The following SORBS2 variants were observed in gnomAD, a reference collection of about 807,000 sequenced individuals.
The protein encoded by SORBS2 is sorbin and SH3 domain-containing protein 2.
SORBS2 carries 46 observed loss-of-function variants against 97.7 expected under a neutral mutation model. The ratio of observed to expected loss-of-function variants is 0.47; its 90% confidence interval spans 0.37 to 0.60. The LOEUF is 0.60. Ranked by LOEUF, SORBS2 falls within the 20% of genes least tolerant of loss-of-function variation. SORBS2 has a pLI of 0.00. For missense variants in SORBS2, 1,316 were observed against 1,282.3 expected (o/e 1.03, Z -0.40); for synonymous variants, 476 against 473.4 (o/e 1.01, Z -0.07).
chr4:185,691,165 G>T (rs2098086199), intron 2 of SORBS2, among the ~76,000 whole-genome samples: 1 of 152,128 alleles, frequency 6.6e-6, no homozygotes, highest in East Asian at 1.9e-4. Context: ...CTCCCAGAGT[G>T]CTGGGATTAC....
chr4:185,725,231 C>G (rs2098547467), intron 2 of SORBS2, among the ~76,000 whole-genome samples: 1 of 152,126 alleles, frequency 6.6e-6, no homozygotes, highest in Non-Finnish European at 1.5e-5. Context: ...TGCTATAATC[C>G]ATTAGTTACA....
At chr4:185,793,882 C>T (rs2099092848) in intron 1 of SORBS2, among the ~76,000 whole-genome samples, 1 of 152,208 alleles carries the variant, frequency 6.6e-6, no homozygotes, top group African/African-American at 2.4e-5. Context: ...TATGGAGTCA[C>T]ATGGCAGCGG....
chr4:185,717,904 T>A (rs77592920), intron 2 of SORBS2, among the ~76,000 whole-genome samples: 1,647 of 152,330 alleles, frequency 0.011, 36 homozygotes, highest in African/African-American at 0.038. Context: ...CGAAATACGT[T>A]ACAGTAAGCA....
intron 4 of SORBS2, among the ~76,000 whole-genome samples, 187 bp from the exon 14 acceptor site, chr4:185,639,222 A>G (rs1256035610): frequency 6.6e-6 from 1 of 152,180 alleles, no homozygotes; most frequent in Non-Finnish European, 1.5e-5. Context: ...CCTGCCCACC[A>G]GGAGTGGATC....
intron 2 of SORBS2, among the ~76,000 whole-genome samples, chr4:185,700,796 A>G (rs1457517209): frequency 1.3e-5 from 2 of 152,208 alleles, no homozygotes; most frequent in Admixed American, 1.3e-4. Context: ...ATGCCAACTC[A>G]GATGACCTCA....
rs148071882 is a variant in SORBS2, at chr4:185,935,934, C to T, written c.-338+20262G>A. ...TGGTATGATCTCGGCTCACTGCAGC[C>T]TCTTTCTCCCAGGCTCAAGTGATTC... is the stretch of plus-strand genomic sequence containing the variant. On this transcript the variant is annotated intron_variant, in intron 1 of 20. Coordinates refer to the SORBS2 transcript ENST00000284776. 3.6e-4 allele frequency among the ~76,000 whole-genome samples: 55 copies of T among 152,304 alleles called. No individual in the cohort carries two copies. In the East Asian group the frequency reaches 7.0e-3, roughly 19 times the overall value.
chr4:185,738,269 G>A (rs983695206), intron 2 of SORBS2, among the ~76,000 whole-genome samples: 6 of 152,128 alleles, frequency 3.9e-5, no homozygotes, highest in Non-Finnish European at 7.3e-5. Context: ...GCTGCTTTCG[G>A]GATTTTCTTA....
At chr4:185,815,345 T>C (rs2099192659) in intron 1 of SORBS2, among the ~76,000 whole-genome samples, 1 of 152,036 alleles carries the variant, frequency 6.6e-6, no homozygotes, top group South Asian at 2.1e-4. Context: ...AGGTATTTTT[T>C]ATATATATTT....
chr4:185,682,733 A>G (rs925209556), intron 2 of SORBS2, among the ~76,000 whole-genome samples: 1 of 152,150 alleles, frequency 6.6e-6, no homozygotes, highest in Non-Finnish European at 1.5e-5. Context: ...AAAGGGGGCC[A>G]GGTGTAGTGG....
At chr4:185,644,495 C>G (rs890047855) in intron 4 of SORBS2, among the ~76,000 whole-genome samples, 1 of 152,234 alleles carries the variant, frequency 6.6e-6, no homozygotes, top group Non-Finnish European at 1.5e-5. Flanking sequence ...GTTTCCTGCT[C>G]AGCCACACCT....
rs114100054 is a variant in SORBS2, at chr4:185,837,543, C to T, written c.-337-62177G>A. ...AATGCAACTAGGTTGGAAGAAGATA[C>T]ATGCTTATTGCTTTGCGGAAGTGGC... On this transcript the variant is annotated intron_variant, in intron 1 of 20. Transcript: ENST00000284776. Among the ~76,000 whole-genome samples the T allele has an allele frequency of 6.3e-3, 954 of 152,302 alleles. 18 individuals carry two copies. Among genetic ancestry groups the T allele is most frequent in the African/African-American group, 0.022 (913 of 41,578 alleles).
chr4:185,646,592 G>T (rs2097212327), intron 4 of SORBS2, 76 bp downstream of exon 13: 2 of 809,738 alleles, frequency 2.5e-6, no homozygotes, highest in Non-Finnish European at 4.2e-6. Context: ...TTGCTAATGG[G>T]TCTGAAATTC....
chr4:185,901,234 A>T (rs2099247581), intron 1 of SORBS2, among the ~76,000 whole-genome samples: 1 of 150,896 alleles, frequency 6.6e-6, no homozygotes, highest in Non-Finnish European at 1.5e-5. Flanking sequence ...ATGGAGTTTC[A>T]CTCTTGTTGC....
chr4:185,698,400 T>C (rs1231632471), intron 2 of SORBS2, among the ~76,000 whole-genome samples: 1 of 152,032 alleles, frequency 6.6e-6, no homozygotes, highest in Non-Finnish European at 1.5e-5. Context: ...GGCTTGAAGC[T>C]GGGAGGTGGA....
chr4:185,673,587 T>C (rs1435351755), intron 4 of SORBS2, among the ~76,000 whole-genome samples: 1 of 152,248 alleles, frequency 6.6e-6, no homozygotes, highest in East Asian at 1.9e-4. Context: ...GCAGGCACCA[T>C]GCCAAGATCC....
intron 4 of SORBS2, among the ~76,000 whole-genome samples, chr4:185,639,630 C>T (rs1004755221): frequency 2.6e-5 from 4 of 152,120 alleles, no homozygotes; most frequent in African/African-American, 9.7e-5. Context: ...CAAGTTATTA[C>T]TTCTTTGATA....
intron 12 of SORBS2, among the ~76,000 whole-genome samples, chr4:185,602,607 A>C (rs2096288915): frequency 1.3e-5 from 2 of 152,248 alleles, no homozygotes; most frequent in Admixed American, 1.3e-4. Flanking sequence ...CAATGATTTC[A>C]TGCGTGCTAT....
At chr4:185,674,715 G>A (rs2097768159) in intron 4 of SORBS2, among the ~76,000 whole-genome samples, 1 of 151,748 alleles carries the variant, frequency 6.6e-6, no homozygotes, top group Non-Finnish European at 1.5e-5. Flanking sequence ...CCTCCCTCAG[G>A]CTTCCTTCTG....
intron 1 of SORBS2, among the ~76,000 whole-genome samples, chr4:185,921,861 C>T (rs926596223): frequency 6.6e-6 from 1 of 152,228 alleles, no homozygotes; most frequent in Admixed American, 6.5e-5. Flanking sequence ...AGTATCAACA[C>T]TCTTCAGCAC....
Sources: gnomAD v4.1 joint callset for allele counts (sites outside exome capture counted in the v4.1 genomes callset) on GRCh38, gnomAD v4.1.1 for gene constraint, MANE v1.5 for transcripts, NCBI Gene and HGNC (gene_info 2026-07-23, HGNC 2026-07-21) for gene names.